The following ERBB4 variants were observed in gnomAD, a reference collection of about 807,000 sequenced individuals.
ERBB4 encodes the protein erb-b2 receptor tyrosine kinase 4, also known as receptor tyrosine-protein kinase erbB-4.
A neutral mutation model predicts 158.0 loss-of-function variants in ERBB4; 42 were observed. The observed-to-expected ratio is 0.27, with a 90% CI of 0.21 to 0.34. The LOEUF is 0.34. Among genes scored for constraint, ERBB4 ranks in the 10% least tolerant of loss-of-function variants. The pLI, the probability that ERBB4 is intolerant of heterozygous loss-of-function variation, is 1.00. For synonymous variants in ERBB4, 583 were observed against 558.7 expected (o/e 1.04, Z -0.61); for missense variants, 1,333 against 1,624.1 (o/e 0.82, Z 3.08).
At chr2:212,045,873 T>C (rs528276879) in intron 2 of ERBB4, among the ~76,000 whole-genome samples, 2 of 152,282 alleles carry the variant, frequency 1.3e-5, no homozygotes, top group African/African-American at 2.4e-5. Context: ...CAGTAATATA[T>C]ATATCCTTGG....
At chr2:212,187,421 TAATAAATAAATAAATA>T (rs71054181) in intron 1 of ERBB4, among the ~76,000 whole-genome samples, 3 of 146,702 alleles carry the variant, frequency 2.0e-5, no homozygotes, top group South Asian at 2.1e-4. Context: ...TAAAGTATAA[TAATAAATAAATAAATA>T]AATAAATAAA....
chr2:211,433,050 G>A (rs979264054), intron 20 of ERBB4, among the ~76,000 whole-genome samples: 5 of 152,170 alleles, frequency 3.3e-5, no homozygotes, highest in Admixed American at 2.6e-4. Flanking sequence ...GACAGAGTGA[G>A]GGTAAAACTG....
At chr2:211,795,949 G>A (rs372026314) in intron 3 of ERBB4, among the ~76,000 whole-genome samples, 12 of 151,814 alleles carry the variant, frequency 7.9e-5, no homozygotes, top group East Asian at 1.9e-4. Context: ...AAGAAACCTC[G>A]CATCTTCTGG....
intron 5 of ERBB4, among the ~76,000 whole-genome samples, chr2:211,732,770 T>G (rs1279049275): frequency 2.0e-5 from 3 of 152,004 alleles, no homozygotes; most frequent in Non-Finnish European, 4.4e-5. Context: ...CTGACCAACA[T>G]GCTGAAACCC....
chr2:212,113,573 C>CAAAAAAAA (rs35545899), intron 2 of ERBB4, among the ~76,000 whole-genome samples: 3 of 64,244 alleles, frequency 4.7e-5, no homozygotes, highest in African/African-American at 1.8e-4. Flanking sequence ...GACTCCATCT[C>CAAAAAAAA]AAAAAAAAAA....
intron 2 of ERBB4, among the ~76,000 whole-genome samples, chr2:211,962,919 A>C (rs1219112283): frequency 6.6e-6 from 1 of 152,128 alleles, no homozygotes; most frequent in African/African-American, 2.4e-5. Context: ...TCTGATGTTA[A>C]ACTAACACCT....
At chr2:212,009,383 C>T (rs762978204) in intron 2 of ERBB4, among the ~76,000 whole-genome samples, 1 of 151,404 alleles carries the variant, frequency 6.6e-6, no homozygotes, top group Non-Finnish European at 1.5e-5. Flanking sequence ...CTGGAGTTAA[C>T]ACAGCTACAA....
At chr2:211,641,662 A>C (rs1027068319) in intron 16 of ERBB4, among the ~76,000 whole-genome samples, 1 of 152,134 alleles carries the variant, frequency 6.6e-6, no homozygotes. Context: ...ATTCTTTTAT[A>C]ATTTGGTAGT....
chr2:212,371,755 C>T (rs1006163712), intron 1 of ERBB4, among the ~76,000 whole-genome samples: 13 of 152,072 alleles, frequency 8.5e-5, no homozygotes, highest in African/African-American at 2.7e-4. Flanking sequence ...TGAGGATCAG[C>T]GCACTTTTGG....
At chr2:212,260,602 C>T (rs1229573940) in intron 1 of ERBB4, among the ~76,000 whole-genome samples, 1 of 152,072 alleles carries the variant, frequency 6.6e-6, no homozygotes, top group Non-Finnish European at 1.5e-5. Context: ...CACTTGAGGT[C>T]AGGAGTTCAA....
chr2:212,497,126 C>T (rs766092637), intron 1 of ERBB4, among the ~76,000 whole-genome samples: 92 of 145,724 alleles, frequency 6.3e-4, no homozygotes, highest in Admixed American at 2.3e-3. Flanking sequence ...TGCAGTGAGC[C>T]GAGATCACAC....
At position 211,378,947 on chromosome 2, in the gene ERBB4, C is replaced by T. The variant is rs2062527936; in HGVS notation, c.*4668G>A. On this transcript the variant is annotated 3_prime_UTR_variant, in exon 28 of 28. Transcript: ENST00000342788. ...TAGGATCAGCTCTAGGATCCTCTGC[C>T]CACAGTATACAGTAGAAGTTAATTT... The T allele has an allele frequency of 4.3e-6, 1 of 231,518 alleles. No homozygotes were observed. Among genetic ancestry groups the T allele is most frequent in the African/African-American group, 2.2e-5 (1 of 45,094 alleles). The allele number at this position is 231,518 out of a possible 1,614,324, so 14.3% of individuals were successfully genotyped here.
chr2:212,435,482 C>G (rs2092117813), intron 1 of ERBB4, among the ~76,000 whole-genome samples: 1 of 151,898 alleles, frequency 6.6e-6, no homozygotes. Context: ...TTGCCTTTCT[C>G]TGGAATTCTA....
chr2:211,760,472 A>G (rs2106238198), intron 4 of ERBB4, among the ~76,000 whole-genome samples: 1 of 152,362 alleles, frequency 6.6e-6, no homozygotes, highest in African/African-American at 2.4e-5. Flanking sequence ...ACTTGGTGGA[A>G]GGAACAATAA....
At chr2:211,877,211 G>A (rs539754242) in intron 3 of ERBB4, among the ~76,000 whole-genome samples, 1 of 152,294 alleles carries the variant, frequency 6.6e-6, no homozygotes, top group South Asian at 2.1e-4. Context: ...GCATTATGAC[G>A]TGGTGGCTGA....
At chr2:212,283,403 G>T (rs149315010) in intron 1 of ERBB4, among the ~76,000 whole-genome samples, 1 of 152,016 alleles carries the variant, frequency 6.6e-6, no homozygotes, top group East Asian at 1.9e-4. Flanking sequence ...CCTTACAATA[G>T]CCCTGTGAGG....
At chr2:211,874,489 T>A (rs1012995511) in intron 3 of ERBB4, among the ~76,000 whole-genome samples, 1 of 152,206 alleles carries the variant, frequency 6.6e-6, no homozygotes. Flanking sequence ...AATAATGAAT[T>A]TTAAAGGACT....
At chr2:211,763,672 A>T (rs902315801) in intron 4 of ERBB4, among the ~76,000 whole-genome samples, 1 of 151,972 alleles carries the variant, frequency 6.6e-6, no homozygotes, top group Non-Finnish European at 1.5e-5. Context: ...AGTTTTTGTT[A>T]CAGATTGCTA....
chr2:212,160,059 T>G (rs1318471409), intron 1 of ERBB4, among the ~76,000 whole-genome samples: 1 of 151,984 alleles, frequency 6.6e-6, no homozygotes, highest in Non-Finnish European at 1.5e-5. Flanking sequence ...CTATTCAGTT[T>G]CTCTCCTCTT....
Sources: gnomAD v4.1 joint callset for allele counts (sites outside exome capture counted in the v4.1 genomes callset) on GRCh38, gnomAD v4.1.1 for gene constraint, MANE v1.5 for transcripts, NCBI Gene and HGNC (gene_info 2026-07-23, HGNC 2026-07-21) for gene names.